NDST1: variants seen among roughly 807,000 people sequenced by gnomAD.
NDST1 encodes bifunctional heparan sulfate N-deacetylase/N-sulfotransferase 1.
A neutral mutation model predicts 92.8 loss-of-function variants in NDST1; 35 were observed. The observed-to-expected ratio is 0.38, with a 90% CI of 0.29 to 0.50. The LOEUF (loss-of-function observed/expected upper bound fraction) is 0.50, where lower values mean the gene tolerates loss of function less well. Ranked by LOEUF, NDST1 falls within the 20% of genes least tolerant of loss-of-function variation. The probability of loss-of-function intolerance (pLI) is 0.94; values close to 1 mark genes in which losing one functional copy is unlikely to be tolerated. For synonymous variants in NDST1, 493 were observed against 500.3 expected, an observed-to-expected ratio of 0.99 and a Z score of 0.19; for missense variants, 822 against 1,182.7, an observed-to-expected ratio of 0.69 and a Z score of 4.47.
At chr5:150,517,392 G>A (rs920878372) in intron 1 of NDST1, among the ~76,000 whole-genome samples, 7 of 150,802 alleles carry the variant, frequency 4.6e-5, no homozygotes, top group Non-Finnish European at 7.4e-5. Flanking sequence ...CTCCTGCCTC[G>A]ACCTCCCAGG....
At chr5:150,534,221 C>T (rs2151287192) in intron 4 of NDST1, among the ~76,000 whole-genome samples, 1 of 151,998 alleles carries the variant, frequency 6.6e-6, no homozygotes, top group East Asian at 1.9e-4. Context: ...CTTAGCCTCC[C>T]AAGTAGCAGG....
At chr5:150,519,303 G>C (rs923388520) in intron 1 of NDST1, among the ~76,000 whole-genome samples, 3 of 152,146 alleles carry the variant, frequency 2.0e-5, no homozygotes, top group African/African-American at 7.2e-5. Flanking sequence ...TTACCCTCTA[G>C]GCTGGGCCCA....
At chr5:150,544,040 AGTGCTGGGATTACGGC>A (rs890863377) in intron 10 of NDST1, among the ~76,000 whole-genome samples, 1 of 152,170 alleles carries the variant, frequency 6.6e-6, no homozygotes, top group African/African-American at 2.4e-5. Context: ...GGCCTCCCAA[AGTGCTGGGATTACGGC>A]GTGCGCCACT....
At chr5:150,534,797 C>G in intron 4 of NDST1, 70 bp from the exon 5 acceptor site, 1 of 1,603,084 alleles carries the variant, frequency 6.2e-7, no homozygotes, top group Non-Finnish European at 8.5e-7. Flanking sequence ...TCTCCCATCC[C>G]CAGGCACAGG....
upstream of NDST1, among the ~76,000 whole-genome samples, chr5:150,504,170 G>A (rs1417066546): frequency 6.6e-6 from 1 of 152,234 alleles, no homozygotes; most frequent in East Asian, 1.9e-4. Context: ...CAGCAGTTGA[G>A]CTGTGCCAGG....
At position 150,510,242 on chromosome 5, in the gene NDST1, A is replaced by G. The variant is rs1753661450; in HGVS notation, c.-388+2016A>G. ...GGTAAGGCTCCTGGCACAGCCCCAC[A>G]TGTTCGCAGGAGCTTAACGTTGGCC... On this transcript the variant is annotated intron_variant, in intron 1 of 14. Transcript: ENST00000261797. 1.3e-5 allele frequency among the ~76,000 whole-genome samples: 2 copies of G among 152,124 alleles called. 1 individual carries two copies. The highest frequency in any genetic ancestry group is 1.3e-4 in the Admixed American group (2 of 15,272).
intron 10 of NDST1, among the ~76,000 whole-genome samples, 169 bp from the exon 11 acceptor site, chr5:150,545,143 A>T (rs539435185): frequency 1.3e-5 from 2 of 152,312 alleles, no homozygotes; most frequent in Non-Finnish European, 2.9e-5. Flanking sequence ...CCAAGAGGCC[A>T]TTCCCCTCCA....
chr5:150,503,426 A>G (rs892050159), upstream of NDST1, among the ~76,000 whole-genome samples: 1 of 152,208 alleles, frequency 6.6e-6, no homozygotes, highest in African/African-American at 2.4e-5. Context: ...AGCCTGGGCA[A>G]CAAGAGTGAA....
At chr5:150,529,838 T>C (rs1754641714) in intron 3 of NDST1, among the ~76,000 whole-genome samples, 1 of 152,232 alleles carries the variant, frequency 6.6e-6, no homozygotes, top group Admixed American at 6.5e-5. Context: ...TGGTAGGGGT[T>C]GGCCCTGGGG....
In NDST1 at chr5:150,553,547, C is replaced by A; in HGVS notation, c.*215C>A. On this transcript the variant is annotated 3_prime_UTR_variant, in exon 15 of 15. Transcript: ENST00000261797. This position sits in a 1 kb window ranked among gnomAD's most constrained non-coding sequence, Gnocchi z 4.2. Reference sequence around the variant, plus strand: ...GGTCTGCGGCCTAAGGGACCTCCCTCGCCAGCAGAGGTCCATTCCGTTCCC... The same window carrying A: ...GGTCTGCGGCCTAAGGGACCTCCCTAGCCAGCAGAGGTCCATTCCGTTCCC... 1 of 598,832 alleles carries A rather than the reference C, an allele frequency of 1.7e-6. No homozygotes were observed. Among genetic ancestry groups the A allele is most frequent in the Non-Finnish European group, 3.0e-6 (1 of 330,316 alleles). The allele number at this position is 598,832 out of a possible 1,614,324, so 37.1% of individuals were successfully genotyped here.
chr5:150,525,819 C>A (rs1167384095), intron 2 of NDST1, among the ~76,000 whole-genome samples: 1 of 152,206 alleles, frequency 6.6e-6, no homozygotes, highest in Non-Finnish European at 1.5e-5. Context: ...GGGGGCCCCA[C>A]ACATGACCCC....
rs1471506919 is a variant in NDST1, at chr5:150,556,655, A to T, written c.*3323A>T. The T allele has an allele frequency of 1.3e-5, 2 of 152,224 alleles. No homozygotes were observed. The highest frequency in any genetic ancestry group is 2.9e-5 in the Non-Finnish European group (2 of 68,046). 9.4% of individuals were successfully genotyped at this position (152,224 alleles called of 1,614,324 possible). ...TTAAAAGTACATTGCAAACATCATGAAACTTGATCCCTGAAAGCTTCAGCC... is the reference window on the plus strand; with the variant it reads ...TTAAAAGTACATTGCAAACATCATGTAACTTGATCCCTGAAAGCTTCAGCC... On this transcript the variant is annotated 3_prime_UTR_variant, in exon 15 of 15. Coordinates refer to ENST00000261797, the MANE Select transcript of NDST1 (RefSeq NM_001543.5).
chr5:150,516,748 C>T (rs938705024), intron 1 of NDST1, among the ~76,000 whole-genome samples: 1 of 152,160 alleles, frequency 6.6e-6, no homozygotes, highest in African/African-American at 2.4e-5. Flanking sequence ...TTACTGCAGC[C>T]TCTGCCTCCT....
At chr5:150,547,703 A>C (rs116646307) in intron 11 of NDST1, among the ~76,000 whole-genome samples, 1,632 of 152,198 alleles carry the variant, frequency 0.011, 24 homozygotes, top group African/African-American at 0.037. Flanking sequence ...TTTTATTGCC[A>C]TTTGTGAGTG....
At chr5:150,530,745 A>G (rs755507879) in intron 3 of NDST1, among the ~76,000 whole-genome samples, 14 of 151,668 alleles carry the variant, frequency 9.2e-5, no homozygotes, top group Non-Finnish European at 1.8e-4. Flanking sequence ...TTTTTTGTAG[A>G]GCCCAGGTTT....
rs117744705 is a variant in NDST1, at chr5:150,551,571, G to A, written c.2427-182G>A. ...CCTTTGCCGGAAGTAGGACAGGCAC[G>A]TTTAGTGCAGCCTAGGACACATTTG... On this transcript the variant is annotated intron_variant, in intron 13 of 14. Transcript: ENST00000261797. 1.2e-4 allele frequency among the ~76,000 whole-genome samples: 18 copies of A among 152,346 alleles called. No homozygotes were observed. The East Asian group carries it at 3.5e-3, about 29-fold the overall frequency.
chr5:150,534,330 C>T (rs1018393383), intron 4 of NDST1, among the ~76,000 whole-genome samples: 3 of 152,078 alleles, frequency 2.0e-5, no homozygotes, highest in Admixed American at 2.0e-4. Context: ...TCTCAAACCT[C>T]TAGGCTCAAA....
chr5:150,547,044 C>T (rs569316674), intron 11 of NDST1, among the ~76,000 whole-genome samples: 2 of 152,350 alleles, frequency 1.3e-5, no homozygotes, highest in African/African-American at 2.4e-5. Flanking sequence ...ACTGACACTG[C>T]TGTACATCTG....
At chr5:150,538,826 ACGACAAATGGCTAAG>A (rs1272600411) in intron 6 of NDST1, among the ~76,000 whole-genome samples, 1 of 152,190 alleles carries the variant, frequency 6.6e-6, no homozygotes, top group Non-Finnish European at 1.5e-5. Flanking sequence ...GGGGAGACAG[ACGACAAATGGCTAAG>A]CCAGTGTGTG....
Sources: allele counts gnomAD v4.1 joint callset (sites outside exome capture counted in the v4.1 genomes callset), GRCh38; gene constraint gnomAD v4.1.1; non-coding constraint Gnocchi (gnomAD v3.1); transcripts MANE v1.5; gene names NCBI Gene and HGNC (gene_info 2026-07-23, HGNC 2026-07-21).